Variants in RPAP1 observed in about 807,000 individuals in gnomAD.
The protein encoded by RPAP1 is RNA polymerase II associated protein 1, also known as RNA polymerase II-associated protein 1.
Under a neutral mutation model 142.4 loss-of-function variants are expected in RPAP1, and 109 were observed. The ratio of observed to expected loss-of-function variants is 0.77; its 90% CI spans 0.66 to 0.90. The LOEUF (loss-of-function observed/expected upper bound fraction) is 0.90, where lower values mean the gene tolerates loss of function less well. Ranked by LOEUF, RPAP1 falls within the 40% of genes least tolerant of loss-of-function variation. The probability of loss-of-function intolerance (pLI) is 0.00; values close to 1 mark genes in which losing one functional copy is unlikely to be tolerated. For missense variants in RPAP1, 1,546 were observed against 1,751.7 expected, an observed-to-expected ratio of 0.88 and a Z score of 2.10; for synonymous variants, 704 against 738.9, an observed-to-expected ratio of 0.95 and a Z score of 0.77.
Position 41,517,870 on chromosome 15 carries a change from C to A in RPAP1, c.3973-13G>T, listed in dbSNP as rs949984013. On this transcript the variant is annotated splice_polypyrimidine_tract_variant and intron_variant, in intron 23 of 24. Transcript: ENST00000304330. Reference sequence around the variant, plus strand: ...CTTTGACCTCATCCTAGAAGCAGAACAGGGAGAGGTGGCACTGAGCCGAGG... The same window carrying A: ...CTTTGACCTCATCCTAGAAGCAGAAAAGGGAGAGGTGGCACTGAGCCGAGG... The A allele has an allele frequency of 1.9e-6, 3 of 1,614,190 alleles. No homozygotes were observed. Among genetic ancestry groups the A allele is most frequent in the South Asian group, 1.1e-5 (1 of 91,078 alleles).
At chr15:41,523,222 C>G (rs755664339) in intron 18 of RPAP1, 23 bp downstream of exon 18, 2 of 1,462,852 alleles carry the variant, frequency 1.4e-6, no homozygotes, top group Admixed American at 4.3e-5. Flanking sequence ...CTGCTTCCCC[C>G]AGCTACCAAA....
At chr15:41,537,265 G>C in intron 1 of RPAP1, 64 bp from the exon 2 acceptor site, 1 of 781,268 alleles carries the variant, frequency 1.3e-6, no homozygotes, top group Non-Finnish European at 2.0e-6. Context: ...TTGGGCAACA[G>C]CGAAGATCTT....
At position 41,521,732 on chromosome 15, in the gene RPAP1, A is replaced by G; in HGVS notation, c.3038+6T>C. The G allele has an allele frequency of 6.2e-7, 1 of 1,613,978 alleles. No individual in the cohort carries two copies. Among genetic ancestry groups the G allele is most frequent in the East Asian group, 2.2e-5 (1 of 44,878 alleles). On this transcript the variant is annotated splice_donor_region_variant and intron_variant, in intron 21 of 24. Coordinates refer to ENST00000304330, the MANE Select transcript of RPAP1 (RefSeq NM_015540.4). ...GCTGAGTTGATGCCACCAACCAAGCACTTACGGGAGGAACTCCAGCCGGAA... is the reference window on the plus strand; with the variant it reads ...GCTGAGTTGATGCCACCAACCAAGCGCTTACGGGAGGAACTCCAGCCGGAA...
At chr15:41,539,840 G>A (rs1382774301) in intron 1 of RPAP1, among the ~76,000 whole-genome samples, 1 of 151,582 alleles carries the variant, frequency 6.6e-6, no homozygotes, top group Non-Finnish European at 1.5e-5. Flanking sequence ...GTTCAAACCA[G>A]CCTGACCAAC....
intron 7 of RPAP1, 90 bp downstream of exon 7, chr15:41,530,933 C>T (rs867936221): frequency 5.7e-6 from 7 of 1,220,224 alleles, no homozygotes; most frequent in Non-Finnish European, 7.0e-6. Context: ...AGCACAGAAG[C>T]TTCTCTCTTC....
chr15:41,518,661 A>G (rs2051693407), intron 22 of RPAP1, among the ~76,000 whole-genome samples: 1 of 146,890 alleles, frequency 6.8e-6, no homozygotes, highest in South Asian at 2.2e-4. Context: ...CCTGGGCAAC[A>G]GAGCAAGACT....
At chr15:41,530,955 A>G in intron 7 of RPAP1, 68 bp downstream of exon 7, 1 of 1,449,710 alleles carries the variant, frequency 6.9e-7, no homozygotes, top group African/African-American at 1.4e-5. Flanking sequence ...CTCATTTGCC[A>G]GGCCTAGGAA....
chr15:41,526,892 G>A lies in RPAP1; in HGVS notation c.1917+6C>T, dbSNP rs772578309. ...TCCCCCATCCCTTGCCCTGTGTCCT[G>A]CTCACCAGCCGGGCAGCAATATTCC... On this transcript the variant is annotated splice_donor_region_variant and intron_variant, in intron 14 of 24. Transcript: ENST00000304330. 1.9e-6 allele frequency: 3 copies of A among 1,607,254 alleles called. No individual in the cohort carries two copies. Among genetic ancestry groups the A allele is most frequent in the South Asian group, 1.1e-5 (1 of 90,240 alleles).
chr15:41,523,834 C>T lies in RPAP1; in HGVS notation c.2373G>A (p.Val791=), dbSNP rs2051758834. The change falls in exon 17 of 25, where the codon GTG becomes GTA. Residue 791 remains valine, a synonymous_variant. Transcript: ENST00000304330. ...ACAGGCAGGCAACGGGCACTGGGCC[C>T]ACGGCTCTCCACATCTCAGGTCTGG... ...LLSRPEMWRA[V]GPVPVACLLF... is the part of the protein sequence containing the mutation. 3 of 1,609,258 alleles carry T rather than the reference C, an allele frequency of 1.9e-6. No homozygotes were observed. Among genetic ancestry groups the T allele is most frequent in the African/African-American group, 1.3e-5 (1 of 74,828 alleles).
chr15:41,523,125 G>T, intron 18 of RPAP1, 120 bp downstream of exon 18: 1 of 938,600 alleles, frequency 1.1e-6, no homozygotes, highest in Non-Finnish European at 1.6e-6. Context: ...AGGGACTCGG[G>T]TTTCCCTCGG....
chr15:41,538,414 A>C (rs2051935894), intron 1 of RPAP1, among the ~76,000 whole-genome samples: 2 of 152,178 alleles, frequency 1.3e-5, no homozygotes, highest in South Asian at 4.1e-4. Flanking sequence ...TAAATGTCAG[A>C]AACAGAATCT....
chr15:41,517,774 C>T (rs1219388532), intron 24 of RPAP1, 24 bp downstream of exon 24: 1 of 1,614,166 alleles, frequency 6.2e-7, no homozygotes, highest in Non-Finnish European at 8.5e-7. Context: ...TAATATCCCA[C>T]CCTCCTAATG....
chr15:41,539,798 G>A (rs556712083), intron 1 of RPAP1, among the ~76,000 whole-genome samples: 18 of 152,132 alleles, frequency 1.2e-4, no homozygotes, highest in African/African-American at 1.7e-4. Context: ...AGCACTTTGG[G>A]AGGCTGAGAC....
At chr15:41,530,104 G>T (rs16971844) in intron 7 of RPAP1, 125 bp from the exon 8 acceptor site, 2 of 728,400 alleles carry the variant, frequency 2.7e-6, no homozygotes, top group East Asian at 2.7e-5. Context: ...TCTACCCTCG[G>T]TTATGGCTAA....
In RPAP1 at chr15:41,518,062, C is replaced by T; in HGVS notation, c.3916G>A (p.Ala1306Thr). 6.2e-7 allele frequency: 1 copy of T among 1,613,732 alleles called. No individual in the cohort carries two copies. Among genetic ancestry groups the T allele is most frequent in the East Asian group, 2.2e-5 (1 of 44,892 alleles). Residue 1306 changes from alanine (A) to threonine (T), a missense_variant, in exon 23 of 25, where the codon GCT becomes ACT. By Grantham distance (58) the Ala-to-Thr change is moderately conservative. Coordinates refer to ENST00000304330, the MANE Select transcript of RPAP1 (RefSeq NM_015540.4). ...LRPRWCPVLYAVAVAHVNSFI... is the reference protein window; with the variant it reads ...LRPRWCPVLYTVAVAHVNSFI... The stretch of plus-strand genomic sequence containing the variant: ...CTATTGACATGAGCCACAGCCACAG[C>T]ATAGAGCACGGGGCACCAACGTGGG...
chr15:41,527,793 T>C, intron 11 of RPAP1, 67 bp downstream of exon 11: 1 of 1,585,704 alleles, frequency 6.3e-7, no homozygotes, highest in Non-Finnish European at 8.6e-7. Context: ...AATGGGGCCA[T>C]GCCCAGGAAC....
In RPAP1 at chr15:41,518,104, C is replaced by A. The variant is rs777665384; in HGVS notation, c.3874G>T (p.Val1292Phe). Residue 1292 changes from valine to phenylalanine, a missense_variant, in exon 23 of 25, where the codon GTT becomes TTT. Val to Phe is a conservative substitution (Grantham distance 50). Coordinates refer to ENST00000304330, the MANE Select transcript of RPAP1 (RefSeq NM_015540.4). ...CAACGTGGGCGGAGCGCACCAGTAA[C>A]CAGGGTCCGGAAGTAGAGCTGAAGG... is the stretch of plus-strand genomic sequence containing the variant. ...ALLQLYFRTL[V>F]TGALRPRWCP... 6.2e-7 allele frequency: 1 copy of A among 1,608,278 alleles called. No individual in the cohort carries two copies. The highest frequency in any genetic ancestry group is 1.3e-5 in the African/African-American group (1 of 74,456).
intron 18 of RPAP1, 88 bp from the exon 19 acceptor site, chr15:41,523,048 CG>C (rs1282713017): frequency 4.2e-6 from 5 of 1,176,488 alleles, no homozygotes; most frequent in African/African-American, 3.2e-5. Flanking sequence ...CTAAGACTAA[CG>C]GGGGGCCTGG....
chr15:41,527,240 C>G lies in RPAP1; in HGVS notation c.1673G>C (p.Gly558Ala), dbSNP rs1343749236. ...LRYVLEVTYP[G>A]PAVVLDILAV... ...CAGGATGTCAAGGACCACCGCAGGTCCTGGGTATGTCACCTCCAGCACGTA... is the reference window on the plus strand; with the variant it reads ...CAGGATGTCAAGGACCACCGCAGGTGCTGGGTATGTCACCTCCAGCACGTA... Residue 558 changes from glycine to alanine, a missense_variant, in exon 13 of 25, where the codon GGA becomes GCA. By Grantham distance (60) the Gly-to-Ala change is moderately conservative. Around this residue, in one of 3 missense-constraint regions of RPAP1, gnomAD observed 1,333 missense variants for 1,486.6 expected, o/e 0.90. Transcript: ENST00000304330. 2 of 1,614,216 alleles carry G rather than the reference C, an allele frequency of 1.2e-6. No homozygotes were observed. The highest frequency in any genetic ancestry group is 1.1e-5 in the South Asian group (1 of 91,086).
Sources: gnomAD v4.1 joint callset for allele counts (sites outside exome capture counted in the v4.1 genomes callset) on GRCh38, gnomAD v4.1.1 for gene constraint, gnomAD v4.1.1 regional missense constraint, MANE v1.5 for transcripts, NCBI Gene and HGNC (gene_info 2026-07-23, HGNC 2026-07-21) for gene names.